PPARGC1A: variants seen among roughly 807,000 people sequenced by gnomAD.
The protein encoded by PPARGC1A is PPARG coactivator 1 alpha, also known as peroxisome proliferator-activated receptor gamma coactivator 1-alpha.
PPARGC1A carries 25 observed loss-of-function variants against 88.7 expected under a neutral mutation model. The ratio of observed to expected loss-of-function variants is 0.28; its 90% CI spans 0.21 to 0.39. The LOEUF (loss-of-function observed/expected upper bound fraction) is 0.39, where lower values mean the gene tolerates loss of function less well. Ranked by LOEUF, PPARGC1A falls within the 10% of genes least tolerant of loss-of-function variation. The pLI is 1.00. For missense variants in PPARGC1A, 880 were observed against 968.7 expected (o/e 0.91, Z 1.22); for synonymous variants, 363 against 355.6 (o/e 1.02, Z -0.24).
the PPARGC1A span, among the ~76,000 whole-genome samples, chr4:24,232,096 G>A: frequency 1.3e-5 from 2 of 151,968 alleles, no homozygotes; most frequent in African/African-American, 2.4e-5. Flanking sequence ...GTCTTTTGGT[G>A]TGACAATGAA....
At chr4:24,392,174 A>T in the PPARGC1A span, among the ~76,000 whole-genome samples, 1 of 152,164 alleles carries the variant, frequency 6.6e-6, no homozygotes, top group Non-Finnish European at 1.5e-5. Context: ...GGACAGTTAC[A>T]TGTGTCCAAT....
At chr4:24,029,305 A>G in the PPARGC1A span, among the ~76,000 whole-genome samples, 3 of 152,202 alleles carry the variant, frequency 2.0e-5, no homozygotes, top group Non-Finnish European at 2.9e-5. Flanking sequence ...AATGGTGGAA[A>G]ACAATTCAAT....
chr4:23,999,833 G>T, the PPARGC1A span, among the ~76,000 whole-genome samples: 1 of 152,136 alleles, frequency 6.6e-6, no homozygotes, highest in Non-Finnish European at 1.5e-5. Flanking sequence ...AGACGCAGCC[G>T]CCCCTCTGGA....
chr4:24,155,249 A>C, the PPARGC1A span, among the ~76,000 whole-genome samples: 1 of 152,024 alleles, frequency 6.6e-6, no homozygotes, highest in Non-Finnish European at 1.5e-5. Context: ...TTAAGATCTT[A>C]AGGTGCATTT....
the PPARGC1A span, among the ~76,000 whole-genome samples, chr4:24,153,087 T>G: frequency 2.0e-5 from 3 of 152,336 alleles, no homozygotes; most frequent in Admixed American, 2.0e-4. Context: ...AGACAGGCAC[T>G]TTGAATACAG....
the PPARGC1A span, among the ~76,000 whole-genome samples, chr4:24,351,540 G>T: frequency 6.6e-6 from 1 of 152,012 alleles, no homozygotes. Flanking sequence ...CACGTGTTCT[G>T]CTTAAAGCAG....
At chr4:24,443,548 T>C in the PPARGC1A span, among the ~76,000 whole-genome samples, 41,175 of 148,052 alleles carry the variant, frequency 0.28, 6,580 homozygotes, top group East Asian at 0.61. Flanking sequence ...TTGGTTTTTG[T>C]TTGTTTTTGT....
At chr4:24,371,950 CAAAAT>C in the PPARGC1A span, among the ~76,000 whole-genome samples, 2 of 150,898 alleles carry the variant, frequency 1.3e-5, no homozygotes, top group Non-Finnish European at 3.0e-5. Context: ...GACTCTGTCT[CAAAAT>C]AAAAGAAAAA....
the PPARGC1A span, among the ~76,000 whole-genome samples, chr4:23,986,404 T>A: frequency 6.6e-6 from 1 of 152,086 alleles, no homozygotes; most frequent in Non-Finnish European, 1.5e-5. Flanking sequence ...TGACTCCAGG[T>A]AACATTCAGT....
chr4:24,253,205 A>G, the PPARGC1A span, among the ~76,000 whole-genome samples: 1 of 152,216 alleles, frequency 6.6e-6, no homozygotes, highest in South Asian at 2.1e-4. Flanking sequence ...TCTAAAAACA[A>G]GGTTCAAGCA....
the PPARGC1A span, among the ~76,000 whole-genome samples, chr4:24,078,675 G>A: frequency 1.3e-5 from 2 of 152,016 alleles, no homozygotes; most frequent in Non-Finnish European, 2.9e-5. Context: ...AAAACAGCCT[G>A]CTTTTTGTTG....
the PPARGC1A span, among the ~76,000 whole-genome samples, chr4:24,396,250 C>T: frequency 2.0e-5 from 3 of 152,118 alleles, no homozygotes; most frequent in Non-Finnish European, 4.4e-5. Context: ...AAGTGCAGGA[C>T]GATGGGGGCG....
chr4:24,331,688 A>C, the PPARGC1A span, among the ~76,000 whole-genome samples: 7 of 152,042 alleles, frequency 4.6e-5, no homozygotes, highest in Non-Finnish European at 7.4e-5. Flanking sequence ...TGTCAGTTGC[A>C]TCTTCAGCAT....
chr4:23,963,353 T>A, the PPARGC1A span, among the ~76,000 whole-genome samples: 95 of 152,202 alleles, frequency 6.2e-4, 1 homozygote, highest in Non-Finnish European at 1.2e-3. Context: ...TGACAATCTT[T>A]ACTTTCAAAA....
At chr4:24,014,702 G>A in the PPARGC1A span, among the ~76,000 whole-genome samples, 1 of 152,050 alleles carries the variant, frequency 6.6e-6, no homozygotes, top group African/African-American at 2.4e-5. Flanking sequence ...TGCTTGCTTT[G>A]TCATGGCCAT....
chr4:24,024,843 A>G, the PPARGC1A span, among the ~76,000 whole-genome samples: 1 of 152,206 alleles, frequency 6.6e-6, no homozygotes, highest in Non-Finnish European at 1.5e-5. Flanking sequence ...ATATTTATCT[A>G]ACAGCTAATA....
chr4:24,109,296 TATAC>T, the PPARGC1A span, among the ~76,000 whole-genome samples: 3 of 105,714 alleles, frequency 2.8e-5, no homozygotes, highest in African/African-American at 4.2e-5. Flanking sequence ...ACCATTTCAT[TATAC>T]ACACACACAC....
chr4:23,873,758 T>A (rs927884934), intron 2 of PPARGC1A, among the ~76,000 whole-genome samples: 5 of 152,062 alleles, frequency 3.3e-5, no homozygotes, highest in Non-Finnish European at 7.3e-5. Context: ...TTAGAGAATT[T>A]CATGACAATT....
the PPARGC1A span, among the ~76,000 whole-genome samples, chr4:24,420,080 A>T: frequency 6.6e-6 from 1 of 152,246 alleles, no homozygotes; most frequent in Non-Finnish European, 1.5e-5. Flanking sequence ...ATGCCATCAG[A>T]CACTTATAAC....
Sources: allele counts gnomAD v4.1 joint callset (sites outside exome capture counted in the v4.1 genomes callset), GRCh38; gene constraint gnomAD v4.1.1; transcripts MANE v1.5; gene names NCBI Gene and HGNC (gene_info 2026-07-23, HGNC 2026-07-21).